The following SLC38A10 variants were observed in gnomAD, a reference collection of about 807,000 sequenced individuals.
The protein encoded by SLC38A10 is solute carrier family 38 member 10.
A neutral mutation model predicts 81.0 loss-of-function variants in SLC38A10; 53 were observed. The ratio of observed to expected loss-of-function variants is 0.65; its 90% CI spans 0.53 to 0.82. The LOEUF is 0.82. Among genes scored for constraint, SLC38A10 ranks in the 40% least tolerant of loss-of-function variants. The probability of loss-of-function intolerance (pLI) is 0.00; values close to 1 mark genes in which losing one functional copy is unlikely to be tolerated. For synonymous variants in SLC38A10, 665 were observed against 655.3 expected (o/e 1.01, Z -0.23); for missense variants, 1,471 against 1,545.0 (o/e 0.95, Z 0.80).
rs1157250190 is a variant in SLC38A10, at chr17:81,281,385, G to GCAT, written c.502-653_502-652insATG. Among the ~76,000 whole-genome samples the GCAT allele has an allele frequency of 6.6e-6, 1 of 152,174 alleles. No individual in the cohort carries two copies. The highest frequency in any genetic ancestry group is 2.4e-5 in the African/African-American group (1 of 41,444). On this transcript the variant is annotated intron_variant, in intron 5 of 15. Coordinates refer to ENST00000374759, the MANE Select transcript of SLC38A10 (RefSeq NM_001037984.3). The surrounding 1 kb of genome is among the most constrained non-coding windows in gnomAD (Gnocchi z 5.3). ...CTCCTATGGGCAGGGGCCTGGCAGAGAATGGAGGGTGTGCTGGGGGCTCTG... is the reference window on the plus strand; with the variant it reads ...CTCCTATGGGCAGGGGCCTGGCAGAGCATAATGGAGGGTGTGCTGGGGGCTCTG...
At position 81,253,594 on chromosome 17, in the gene SLC38A10, A is replaced by G. The variant is rs2062940896; in HGVS notation, c.1289-354T>C. Among the ~76,000 whole-genome samples, 4 of 151,212 alleles carry G rather than the reference A, an allele frequency of 2.6e-5. No homozygotes were observed. In the South Asian group the frequency reaches 8.4e-4, roughly 32 times the overall value. On this transcript the variant is annotated intron_variant, in intron 11 of 15. Transcript: ENST00000374759. This position sits in a 1 kb window ranked among gnomAD's most constrained non-coding sequence, Gnocchi z 4.1. ...CACCGTCATCACCGTCACCTCCACC[A>G]CCACCACCACCATCACCGCTATCAT...
rs1012202916 is a variant in SLC38A10 at position 81,289,187 on chromosome 17, C to G, written c.217+504G>C. ...TCCTGAGTAGCTAGGATTACAGATG[C>G]CTGCCACCATGTCTGGCTAATTTTT... On this transcript the variant is annotated intron_variant, in intron 2 of 15. Coordinates refer to ENST00000374759, the MANE Select transcript of SLC38A10 (RefSeq NM_001037984.3). This position sits in a 1 kb window ranked among gnomAD's most constrained non-coding sequence, Gnocchi z 5.9. Among the ~76,000 whole-genome samples, 2 of 151,836 alleles carry G rather than the reference C, an allele frequency of 1.3e-5. No individual in the cohort carries two copies. The highest frequency in any genetic ancestry group is 1.5e-5 in the Non-Finnish European group (1 of 67,944).
Position 81,252,224 on chromosome 17 carries a change from G to A in SLC38A10, c.1916C>T (p.Thr639Ile). 2 of 1,533,956 alleles carry A rather than the reference G, an allele frequency of 1.3e-6. No homozygotes were observed. The highest frequency in any genetic ancestry group is 1.7e-6 in the Non-Finnish European group (2 of 1,144,258). ...GPPPGNAAGD[T>I]GQPAEDSDHG... is the part of the protein sequence containing the mutation. ...GTCGCTGTCCTCTGCGGGCTGCCCT[G>A]TGTCCCCGGCGGCGTTGCCTGGCGG... Residue 639 changes from threonine to isoleucine, a missense_variant, in exon 13 of 16, where the codon ACA (threonine) becomes ATA (isoleucine). This residue lies in a region of SLC38A10 where 751 missense variants were observed against 717.4 expected (regional missense o/e 1.05). Coordinates refer to ENST00000374759, the MANE Select transcript of SLC38A10 (RefSeq NM_001037984.3).
intron 3 of SLC38A10, 72 bp downstream of exon 3, chr17:81,284,778 C>T: frequency 7.9e-7 from 1 of 1,270,492 alleles, no homozygotes; most frequent in Non-Finnish European, 1.1e-6. Flanking sequence ...GAAACTGCCG[C>T]TCCCACCGGG....
Position 81,277,709 on chromosome 17 carries a change from C to G in SLC38A10, c.627-576G>C, listed in dbSNP as rs1025884776. ...GGTGCTGCTAGGGGTGGGAGGGACC[C>G]AAGCCACCAGCCAGGCAAGGACATG... On this transcript the variant is annotated intron_variant, in intron 6 of 15. Coordinates refer to ENST00000374759, the MANE Select transcript of SLC38A10 (RefSeq NM_001037984.3). This position sits in a 1 kb window ranked among gnomAD's most constrained non-coding sequence, Gnocchi z 4.5. 1.3e-5 allele frequency among the ~76,000 whole-genome samples: 2 copies of G among 152,188 alleles called. No individual in the cohort carries two copies. The highest frequency in any genetic ancestry group is 4.8e-5 in the African/African-American group (2 of 41,452).
In SLC38A10 at chr17:81,245,801, G is replaced by A. The variant is rs368790669; in HGVS notation, c.3115C>T (p.Arg1039Trp). 3.1e-5 allele frequency: 50 copies of A among 1,604,978 alleles called. No homozygotes were observed. The African/African-American group carries it at 3.5e-4, about 11-fold the overall frequency. Reference protein sequence around the residue: ...GQRPDNAKPNRDLKLQAGSDL... With the variant: ...GQRPDNAKPNWDLKLQAGSDL... ...GAGCCAGCCTGCAGTTTCAGGTCCCGGTTGGGCTTGGCATTGTCCGGCCTC... is the reference window on the plus strand; with the variant it reads ...GAGCCAGCCTGCAGTTTCAGGTCCCAGTTGGGCTTGGCATTGTCCGGCCTC... The change falls in exon 16 of 16, where the codon CGG becomes TGG. Residue 1039 changes from arginine to tryptophan, a missense_variant. Arg to Trp is a moderately radical substitution (Grantham distance 101). Transcript: ENST00000374759.
rs145108422 is a variant in SLC38A10 at position 81,251,190 on chromosome 17, G to A, written c.2065+303C>T. ...TTTAAAGACGAAATGGTAATCACAA[G>A]CCAAGTGACAATGCCGCAGGTGTTT... is the stretch of plus-strand genomic sequence containing the variant. On this transcript the variant is annotated intron_variant, in intron 14 of 15. Transcript: ENST00000374759. 2,162 of 1,535,200 alleles carry A rather than the reference G, an allele frequency of 1.4e-3. 40 individuals are homozygous for A. The African/African-American group carries it at 0.026, about 18-fold the overall frequency.
rs575022150 is a variant in SLC38A10, at chr17:81,283,172, C to T, written c.357+237G>A. ...ACTGTGCCCGGGTCTGAGGCTCCCC[C>T]ACCCGCCCCTCATCTACATGGTGTC... is the stretch of plus-strand genomic sequence containing the variant. On this transcript the variant is annotated intron_variant, in intron 4 of 15. Transcript: ENST00000374759. The surrounding 1 kb of genome is among the most constrained non-coding windows in gnomAD (Gnocchi z 4.7). Among the ~76,000 whole-genome samples the T allele has an allele frequency of 7.2e-5, 11 of 152,280 alleles. No homozygotes were observed. The East Asian group carries it at 7.7e-4, about 11-fold the overall frequency.
intron 10 of SLC38A10, among the ~76,000 whole-genome samples, chr17:81,261,498 C>T (rs546628775): frequency 2.6e-5 from 4 of 152,350 alleles, no homozygotes; most frequent in South Asian, 2.1e-4. Context: ...AAAGGTATGT[C>T]GATTCTTAAA....
At chr17:81,248,484 T>C (rs1000465762) in intron 14 of SLC38A10, among the ~76,000 whole-genome samples, 2 of 152,236 alleles carry the variant, frequency 1.3e-5, no homozygotes, top group African/African-American at 4.8e-5. Context: ...GAGCACCCGG[T>C]CTGACTCGCT....
In SLC38A10 at chr17:81,256,946, T is replaced by C. The variant is rs961818343; in HGVS notation, c.1288+3292A>G. On this transcript the variant is annotated intron_variant, in intron 11 of 15. Coordinates refer to ENST00000374759, the MANE Select transcript of SLC38A10 (RefSeq NM_001037984.3). ...AGGCGGAACCTCCTCACCACTGCTT[T>C]TGCCTCCGCCGTGGCTGGCACCACT... Among the ~76,000 whole-genome samples the C allele has an allele frequency of 2.2e-4, 33 of 152,164 alleles. 1 individual carries two copies. Among genetic ancestry groups the C allele is most frequent in the Admixed American group, 3.9e-4 (6 of 15,270 alleles).
chr17:81,280,480 G>T, intron 6 of SLC38A10, 129 bp downstream of exon 6: 1 of 1,399,112 alleles, frequency 7.1e-7, no homozygotes, highest in Non-Finnish European at 9.6e-7. Context: ...GGTCATCACT[G>T]AACAAGACAT....
Position 81,252,469 on chromosome 17 carries a change from A to G in SLC38A10, c.1671T>C (p.Val557=). 1 of 1,613,200 alleles carries G rather than the reference A, an allele frequency of 6.2e-7. No individual in the cohort carries two copies. The highest frequency in any genetic ancestry group is 1.1e-5 in the South Asian group (1 of 91,072). Residue 557 remains valine (V), a synonymous_variant, in exon 13 of 16, where the codon GTT becomes GTC. Transcript: ENST00000374759. ...REKQEPEQGE[V]GKRPGQAQAL... ...CCTGGGCCTGTCCAGGCCTCTTCCCAACCTCTCCCTGCTCCGGCTCTTGTT... is the reference window on the plus strand; with the variant it reads ...CCTGGGCCTGTCCAGGCCTCTTCCCGACCTCTCCCTGCTCCGGCTCTTGTT...
intron 1 of SLC38A10, among the ~76,000 whole-genome samples, chr17:81,293,819 C>T (rs1245819359): frequency 5.9e-5 from 9 of 152,198 alleles, no homozygotes; most frequent in Admixed American, 5.9e-4. Context: ...ATTTTTCTAC[C>T]TACTTGGTAA....
rs371749316 is a variant in SLC38A10 at position 81,245,820 on chromosome 17, C to T, written c.3096G>A (p.Pro1032=). 36 of 1,610,204 alleles carry T rather than the reference C, an allele frequency of 2.2e-5. No homozygotes were observed. Among genetic ancestry groups the T allele is most frequent in the Middle Eastern group, 1.7e-4 (1 of 6,056 alleles). Residue 1032 remains proline, a synonymous_variant, in exon 16 of 16, where the codon CCG becomes CCA. Coordinates refer to ENST00000374759, the MANE Select transcript of SLC38A10 (RefSeq NM_001037984.3). ...GGTCCCGGTTGGGCTTGGCATTGTC[C>T]GGCCTCTGGCCCCCCGGGACAGCTC... ...LKRAVPGGQR[P]DNAKPNRDLK...
intron 14 of SLC38A10, chr17:81,250,026 G>A (rs531382762): frequency 2.2e-4 from 280 of 1,283,540 alleles, no homozygotes; most frequent in Non-Finnish European, 2.1e-4. Flanking sequence ...TCTGTGGCCC[G>A]CCAGACAGGC....
rs2146956182 is a variant in SLC38A10, at chr17:81,288,167, T to C, written c.217+1524A>G. ...GCCGAAACGAACGCAGGACTCTCTG[T>C]GGCAACATGAAGGGGACTGGGAGGA... On this transcript the variant is annotated intron_variant, in intron 2 of 15. Transcript: ENST00000374759. This position sits in a 1 kb window ranked among gnomAD's most constrained non-coding sequence, Gnocchi z 5.4. Among the ~76,000 whole-genome samples the C allele has an allele frequency of 6.6e-6, 1 of 152,328 alleles. No homozygotes were observed. Among genetic ancestry groups the C allele is most frequent in the East Asian group, 1.9e-4 (1 of 5,188 alleles).
In SLC38A10 at chr17:81,260,362, C is replaced by T; in HGVS notation, c.1164G>A (p.Val388=). Residue 388 remains valine, a synonymous_variant, in exon 11 of 16, where the codon GTG becomes GTA. Coordinates refer to ENST00000374759, the MANE Select transcript of SLC38A10 (RefSeq NM_001037984.3). ...VVLWVGLGVL[V]VSTVTTLSVS... is the part of the protein sequence containing the mutation. ...CAGACAGTGTGGTGACAGTGCTCAC[C>T]ACCAGGACGCCCAGGCCGACCCACA... is the stretch of plus-strand genomic sequence containing the variant. 1 of 1,611,328 alleles carries T rather than the reference C, an allele frequency of 6.2e-7. No homozygotes were observed.
chr17:81,251,153 T>C (rs1598378959), intron 14 of SLC38A10: 2 of 1,522,606 alleles, frequency 1.3e-6, no homozygotes, highest in East Asian at 4.6e-5. Context: ...TTAAAACTGT[T>C]AACAAACCTG....
Sources: allele counts gnomAD v4.1 joint callset (sites outside exome capture counted in the v4.1 genomes callset), GRCh38; gene constraint gnomAD v4.1.1; regional missense constraint gnomAD v4.1.1; non-coding constraint Gnocchi (gnomAD v3.1); transcripts MANE v1.5; gene names NCBI Gene and HGNC (gene_info 2026-07-23, HGNC 2026-07-21).